Variants in LDB2 observed in about 807,000 individuals in gnomAD.
The protein encoded by LDB2 is LIM domain-binding protein 2.
A neutral mutation model predicts 44.3 loss-of-function variants in LDB2; 12 were observed. The ratio of observed to expected loss-of-function variants is 0.27; its 90% CI spans 0.17 to 0.44. The LOEUF is 0.44. Ranked by LOEUF, LDB2 falls within the 20% of genes least tolerant of loss-of-function variation. The pLI is 1.00. For missense variants in LDB2, 344 were observed against 473.5 expected (o/e 0.73, Z 2.54); for synonymous variants, 164 against 174.8 (o/e 0.94, Z 0.49).
chr4:16,589,776 T>G (rs1718268633), intron 3 of LDB2, among the ~76,000 whole-genome samples: 1 of 152,144 alleles, frequency 6.6e-6, no homozygotes, highest in African/African-American at 2.4e-5. Context: ...ATTTCTGCCT[T>G]AGGAAAGCAG....
intron 2 of LDB2, among the ~76,000 whole-genome samples, chr4:16,672,323 A>T (rs1435659184): frequency 6.6e-6 from 1 of 152,152 alleles, no homozygotes; most frequent in Non-Finnish European, 1.5e-5. Flanking sequence ...CAGAATGCAG[A>T]TGTCTCCAAT....
At chr4:16,541,000 T>C (rs1470957778) in intron 5 of LDB2, among the ~76,000 whole-genome samples, 1 of 152,168 alleles carries the variant, frequency 6.6e-6, no homozygotes, top group Non-Finnish European at 1.5e-5. Flanking sequence ...AGTATAAGGA[T>C]TGATTACATA....
At chr4:16,522,116 G>T (rs1332140957) in intron 5 of LDB2, among the ~76,000 whole-genome samples, 1 of 150,296 alleles carries the variant, frequency 6.7e-6, no homozygotes, top group Non-Finnish European at 1.5e-5. Flanking sequence ...TTTATTTGAG[G>T]TATTTACCTA....
chr4:16,577,227 T>C (rs6837495), intron 5 of LDB2, among the ~76,000 whole-genome samples: 14,179 of 152,124 alleles, frequency 0.093, 1,418 homozygotes, highest in African/African-American at 0.25. Flanking sequence ...AAGTCCTAGC[T>C]AGAGTAATCA....
intron 1 of LDB2, among the ~76,000 whole-genome samples, chr4:16,813,056 G>A (rs572048702): frequency 2.6e-5 from 4 of 151,764 alleles, no homozygotes; most frequent in African/African-American, 9.7e-5. Context: ...GGAGTGCAGT[G>A]GCACGATCTC....
chr4:16,843,445 A>T (rs1028991778), intron 1 of LDB2, among the ~76,000 whole-genome samples: 32 of 152,316 alleles, frequency 2.1e-4, no homozygotes, highest in African/African-American at 7.5e-4. Flanking sequence ...GAATGAATGA[A>T]CCACTTCAAC....
intron 2 of LDB2, among the ~76,000 whole-genome samples, chr4:16,727,061 G>T (rs577789561): frequency 6.6e-6 from 1 of 152,180 alleles, no homozygotes; most frequent in South Asian, 2.1e-4. Flanking sequence ...TAACTGCACG[G>T]ATTAAGAAAT....
intron 5 of LDB2, among the ~76,000 whole-genome samples, chr4:16,514,517 T>C (rs1425053905): frequency 6.6e-6 from 1 of 152,354 alleles, no homozygotes; most frequent in South Asian, 2.1e-4. Flanking sequence ...CCTTCCTTCT[T>C]AAGTCTAAGC....
intron 2 of LDB2, among the ~76,000 whole-genome samples, chr4:16,744,676 C>T (rs1305893287): frequency 6.6e-6 from 1 of 152,076 alleles, no homozygotes; most frequent in Non-Finnish European, 1.5e-5. Context: ...CGGGGTTTCA[C>T]CGTGTTAGCC....
rs189560360 is a variant in LDB2, at chr4:16,709,950, C to T, written c.235+49208G>A. Among the ~76,000 whole-genome samples the T allele has an allele frequency of 5.4e-3, 823 of 152,214 alleles. 4 individuals carry two copies. Among genetic ancestry groups the T allele is most frequent in the Middle Eastern group, 0.01 (3 of 294 alleles). On this transcript the variant is annotated intron_variant, in intron 2 of 7. Transcript: ENST00000304523. Reference sequence around the variant, plus strand: ...GCCATGTGACCTTGATCTATACAAGCATATTAAGGAAGAAGTAAGAGAGGC... The same window carrying T: ...GCCATGTGACCTTGATCTATACAAGTATATTAAGGAAGAAGTAAGAGAGGC...
chr4:16,582,837 C>T lies in LDB2; in HGVS notation c.615+3085G>A, dbSNP rs753072803. ...CTGGGACCACCAAGTCAGCCATCAT[C>T]GTACCTCTTAGCTCGGGGCACCTCT... is the stretch of plus-strand genomic sequence containing the variant. On this transcript the variant is annotated intron_variant, in intron 5 of 7. Coordinates refer to ENST00000304523, the MANE Select transcript of LDB2 (RefSeq NM_001290.5). The surrounding 1 kb of genome is among the most constrained non-coding windows in gnomAD (Gnocchi z 4.8). Among the ~76,000 whole-genome samples the T allele has an allele frequency of 3.3e-5, 5 of 152,146 alleles. No homozygotes were observed. The highest frequency in any genetic ancestry group is 2.9e-5 in the Non-Finnish European group (2 of 68,034).
At chr4:16,615,008 T>C (rs1259365689) in intron 2 of LDB2, among the ~76,000 whole-genome samples, 1 of 134,838 alleles carries the variant, frequency 7.4e-6, no homozygotes, top group Non-Finnish European at 1.5e-5. Flanking sequence ...AGGTGGAGCT[T>C]GCAGTGAGCC....
chr4:16,649,788 C>T lies in LDB2; in HGVS notation c.236-53913G>A, dbSNP rs149374060. Among the ~76,000 whole-genome samples, 3 of 152,356 alleles carry T rather than the reference C, an allele frequency of 2.0e-5. No homozygotes were observed. In the East Asian group the frequency reaches 5.8e-4, roughly 29 times the overall value. On this transcript the variant is annotated intron_variant, in intron 2 of 7. Coordinates refer to ENST00000304523, the MANE Select transcript of LDB2 (RefSeq NM_001290.5). ...GATCCTTATTGACAGAACTTAGAGA[C>T]TAGCACAAAACACTGAAAACTAAAC...
At chr4:16,739,167 T>G (rs1367969158) in intron 2 of LDB2, among the ~76,000 whole-genome samples, 2 of 152,102 alleles carry the variant, frequency 1.3e-5, no homozygotes, top group African/African-American at 4.8e-5. Flanking sequence ...TTGACCACCC[T>G]GTCAGTTTCT....
At chr4:16,789,538 AAAC>A (rs1378835842) in intron 1 of LDB2, among the ~76,000 whole-genome samples, 16 of 152,228 alleles carry the variant, frequency 1.1e-4, no homozygotes, top group Admixed American at 1.0e-3. Context: ...TTGTAGCTGC[AAAC>A]AACAATAATG....
chr4:16,819,224 A>T (rs1047287820), intron 1 of LDB2, among the ~76,000 whole-genome samples: 1 of 152,024 alleles, frequency 6.6e-6, no homozygotes, highest in Non-Finnish European at 1.5e-5. Flanking sequence ...ATTCTTTCTA[A>T]ATTAAAAGAA....
intron 5 of LDB2, among the ~76,000 whole-genome samples, chr4:16,577,898 A>T (rs1190611058): frequency 6.6e-6 from 1 of 152,218 alleles, no homozygotes; most frequent in Non-Finnish European, 1.5e-5. Flanking sequence ...TAGAGAACAT[A>T]CAAATAAATC....
chr4:16,839,240 A>G (rs973189293), intron 1 of LDB2, among the ~76,000 whole-genome samples: 4 of 152,208 alleles, frequency 2.6e-5, no homozygotes, highest in African/African-American at 9.6e-5. Context: ...TGCTGGCTAG[A>G]AGATTGGACA....
intron 2 of LDB2, among the ~76,000 whole-genome samples, chr4:16,598,440 G>A (rs1721629695): frequency 6.6e-6 from 1 of 152,196 alleles, no homozygotes; most frequent in Non-Finnish European, 1.5e-5. Context: ...GGGAGAAGCT[G>A]TCCAGGAAGT....
Sources: allele counts gnomAD v4.1 joint callset (sites outside exome capture counted in the v4.1 genomes callset), GRCh38; gene constraint gnomAD v4.1.1; non-coding constraint Gnocchi (gnomAD v3.1); transcripts MANE v1.5; gene names NCBI Gene and HGNC (gene_info 2026-07-23, HGNC 2026-07-21).